Variants in BRCA2 observed in about 807,000 individuals in gnomAD.
BRCA2 encodes BRCA2 DNA repair associated.
In BRCA2, 203 loss-of-function variants were observed where a neutral mutation model predicts 276.7. The ratio of observed to expected loss-of-function variants is 0.73; its 90% CI spans 0.65 to 0.82. The LOEUF (loss-of-function observed/expected upper bound fraction) is 0.82. Ranked by LOEUF, BRCA2 falls within the 40% of genes least tolerant of loss-of-function variation. The probability of loss-of-function intolerance (pLI) is 0.00; values close to 1 mark genes in which losing one functional copy is unlikely to be tolerated. For missense variants in BRCA2, 3,920 were observed against 3,915.0 expected (o/e 1.00, Z -0.03); for synonymous variants, 1,289 against 1,338.4 (o/e 0.96, Z 0.81).
At chr13:32,384,695 T>TAA (rs544286011) in intron 24 of BRCA2, 19 of 235,076 alleles carry the variant, frequency 8.1e-5, no homozygotes, top group African/African-American at 3.0e-4. Flanking sequence ...AGGTCAAGGA[T>TAA]AGTCTGGAGC....
At chr13:32,364,357 G>C (rs571838711) in intron 18 of BRCA2, among the ~76,000 whole-genome samples, 1 of 152,230 alleles carries the variant, frequency 6.6e-6, no homozygotes, top group African/African-American at 2.4e-5. Flanking sequence ...ATGGTCCCAA[G>C]AGGCAATCGT....
chr13:32,382,300 G>T (rs1290763774), intron 24 of BRCA2, among the ~76,000 whole-genome samples: 1 of 152,160 alleles, frequency 6.6e-6, no homozygotes, highest in East Asian at 1.9e-4. Context: ...AGGTCACTGT[G>T]GGCATGGGAG....
At chr13:32,384,940 A>G in intron 24 of BRCA2, 1 of 347,134 alleles carries the variant, frequency 2.9e-6, no homozygotes, top group Non-Finnish European at 5.7e-6. Flanking sequence ...AGATTTGAGA[A>G]GCCTGGTAAC....
At chr13:32,335,344 C>CA (rs780395396) in intron 10 of BRCA2, among the ~76,000 whole-genome samples, 2,274 of 46,666 alleles carry the variant, frequency 0.049, 59 homozygotes, top group African/African-American at 0.091. Context: ...GACTCCATCT[C>CA]AAAAAAAAAA....
rs1555284772 is a variant in BRCA2 at position 32,340,974 on chromosome 13, A to G, written c.6619A>G (p.Thr2207Ala). 2.5e-6 allele frequency: 4 copies of G among 1,607,552 alleles called. No homozygotes were observed. Among genetic ancestry groups the G allele is most frequent in the Non-Finnish European group, 3.4e-6 (4 of 1,178,432 alleles). ...AACTTTTTCTGATGTTCCTGTGAAA[A>G]CAAATATAGAAGTTTGTTCTACTTA... ...TETFSDVPVKTNIEVCSTYSK... is the reference protein window; with the variant it reads ...TETFSDVPVKANIEVCSTYSK... The change falls in exon 11 of 27, where the codon ACA becomes GCA. Residue 2207 changes from threonine to alanine, a missense_variant. Around this residue, in one of 2 missense-constraint regions of BRCA2, gnomAD observed 3,263 missense variants for 3,156.9 expected, o/e 1.03. Coordinates refer to ENST00000380152, the MANE Select transcript of BRCA2 (RefSeq NM_000059.4).
chr13:32,354,276 A>G (rs2072671701), intron 13 of BRCA2, among the ~76,000 whole-genome samples: 1 of 152,166 alleles, frequency 6.6e-6, no homozygotes, highest in African/African-American at 2.4e-5. Flanking sequence ...GTAGAGATTG[A>G]GGAAGTGAAA....
chr13:32,332,778 AAAAG>A lies in BRCA2; in HGVS notation c.1310_1313del (p.Lys437IlefsTer22), dbSNP rs80359277. 13 of 1,607,776 alleles carry A rather than the reference AAAAG, an allele frequency of 8.1e-6. No homozygotes were observed. Among genetic ancestry groups the A allele is most frequent in the African/African-American group, 5.4e-5 (4 of 74,340 alleles). Reference sequence around the variant, plus strand: ...AAAAGACCTATTAGACACAGAGAACAAAAGAAAGAAAGATTTTCTTACTTCAGAG... The same window carrying A: ...AAAAGACCTATTAGACACAGAGAACAAAAGAAAGATTTTCTTACTTCAGAG... On this transcript the variant is annotated frameshift_variant, in exon 10 of 27. Coordinates refer to ENST00000380152, the MANE Select transcript of BRCA2 (RefSeq NM_000059.4). LOFTEE classifies it high-confidence loss of function.
chr13:32,368,799 TTTTTTTTTTGG>T (rs1484357124), intron 18 of BRCA2, among the ~76,000 whole-genome samples: 19 of 40,662 alleles, frequency 4.7e-4, no homozygotes, highest in African/African-American at 3.0e-3. Flanking sequence ...TGTTTTTTTG[TTTTTTTTTTGG>T]TTTTTTTTGT....
At chr13:32,360,846 G>A (rs1200322580) in intron 16 of BRCA2, among the ~76,000 whole-genome samples, 1 of 152,164 alleles carries the variant, frequency 6.6e-6, no homozygotes, top group Non-Finnish European at 1.5e-5. Flanking sequence ...GGCACTATTA[G>A]GAGTTGCTCA....
At chr13:32,317,121 C>T (rs375293168) in intron 2 of BRCA2, among the ~76,000 whole-genome samples, 1 of 152,160 alleles carries the variant, frequency 6.6e-6, no homozygotes, top group African/African-American at 2.4e-5. Flanking sequence ...ATCGCTTGAA[C>T]CCTGGAGGCA....
In BRCA2 at chr13:32,339,791, A is replaced by C. The variant is rs754090538; in HGVS notation, c.5436A>C (p.Glu1812Asp). The change falls in exon 11 of 27, where the codon GAA (glutamate) becomes GAC (aspartate). Residue 1812 changes from glutamate to aspartate, a missense_variant. By Grantham distance (45) the Glu-to-Asp change is conservative (BLOSUM62 2). Coordinates refer to ENST00000380152, the MANE Select transcript of BRCA2 (RefSeq NM_000059.4). ...TAAATGAAGATATTTGCGTTGAGGA[A>C]CTTGTGACTAGCTCTTCACCCTGCA... ...QTVNEDICVE[E>D]LVTSSSPCKN... The C allele has an allele frequency of 6.2e-7, 1 of 1,613,796 alleles. No individual in the cohort carries two copies. The highest frequency in any genetic ancestry group is 2.2e-5 in the East Asian group (1 of 44,850).
rs2072383424 is a variant in BRCA2 at position 32,330,815 on chromosome 13, G to C, written c.682-104G>C. ...AATTTTTGGACCTAGGTTGATTGCAGATAACTGAAATCACCAAAAGTGAAA... is the reference window on the plus strand; with the variant it reads ...AATTTTTGGACCTAGGTTGATTGCACATAACTGAAATCACCAAAAGTGAAA... On this transcript the variant is annotated intron_variant, in intron 8 of 26. Transcript: ENST00000380152. The C allele has an allele frequency of 4.1e-6, 3 of 733,198 alleles. No homozygotes were observed. In the East Asian group the frequency reaches 8.1e-5, roughly 20 times the overall value. 45.4% of individuals were successfully genotyped at this position (733,198 alleles called of 1,614,324 possible).
At chr13:32,330,258 T>A (rs1166242198) in intron 8 of BRCA2, among the ~76,000 whole-genome samples, 1 of 152,250 alleles carries the variant, frequency 6.6e-6, no homozygotes, top group Non-Finnish European at 1.5e-5. Flanking sequence ...TGGTGCACTG[T>A]GTGGCCACAA....
intron 18 of BRCA2, among the ~76,000 whole-genome samples, chr13:32,367,998 ATTCT>A (rs2072796474): frequency 1.3e-5 from 1 of 78,234 alleles, no homozygotes; most frequent in Non-Finnish European, 2.6e-5. Flanking sequence ...TTTTCTTCTA[ATTCT>A]TTTTTTTTTT....
intron 4 of BRCA2, 105 bp from the exon 5 acceptor site, chr13:32,325,996 A>G (rs2072342207): frequency 5.1e-6 from 5 of 983,022 alleles, no homozygotes. Context: ...TAAAAGTAGT[A>G]TTCCAACAAT....
chr13:32,363,649 T>A, intron 18 of BRCA2, 116 bp downstream of exon 18: 2 of 968,954 alleles, frequency 2.1e-6, no homozygotes, highest in Non-Finnish European at 3.1e-6. Context: ...GATGTACTGA[T>A]AATTTTAGTA....
At position 32,326,113 on chromosome 13, in the gene BRCA2, A is replaced by G. The variant is rs200942633; in HGVS notation, c.438A>G (p.Leu146=). Residue 146 remains leucine (L), a synonymous_variant, in exon 5 of 27, where the codon CTA becomes CTG. Coordinates refer to ENST00000380152, the MANE Select transcript of BRCA2 (RefSeq NM_000059.4). The part of the protein sequence containing the change: ...NSCLSESPVV[L]QCTHVTPQRD... ...TGTTTTATTTTAGTCCTGTTGTTCT[A>G]CAATGTACACATGTAACACCACAAA... 11 of 1,610,120 alleles carry G rather than the reference A, an allele frequency of 6.8e-6. No individual in the cohort carries two copies. The highest frequency in any genetic ancestry group is 1.7e-5 in the Admixed American group (1 of 60,000).
rs786201284 is a variant in BRCA2, at chr13:32,357,873, T to C, written c.7749T>C (p.Asp2583=). ...CTGGAAAAGGAATACAGTTGGCTGA[T>C]GGTGGATGGCTCATACCCTCCAATG... ...LWTGKGIQLA[D]GGWLIPSNDG... Residue 2583 remains aspartate (D), a synonymous_variant, in exon 16 of 27, where the codon GAT becomes GAC. Transcript: ENST00000380152. 1 of 1,614,160 alleles carries C rather than the reference T, an allele frequency of 6.2e-7. No individual in the cohort carries two copies. Among genetic ancestry groups the C allele is most frequent in the African/African-American group, 1.3e-5 (1 of 75,062 alleles).
At chr13:32,380,784 C>T (rs1207991411) in intron 24 of BRCA2, among the ~76,000 whole-genome samples, 1 of 152,034 alleles carries the variant, frequency 6.6e-6, no homozygotes, top group Non-Finnish European at 1.5e-5. Flanking sequence ...TCGTGATCTA[C>T]CAGCCTCGGC....
Sources: gnomAD v4.1 joint callset for allele counts (sites outside exome capture counted in the v4.1 genomes callset) on GRCh38, gnomAD v4.1.1 for gene constraint, gnomAD v4.1.1 regional missense constraint, MANE v1.5 for transcripts, NCBI Gene and HGNC (gene_info 2026-07-23, HGNC 2026-07-21) for gene names.